Variants in ARNT observed in about 807,000 individuals in gnomAD.
ARNT encodes the protein aryl hydrocarbon receptor nuclear translocator.
In ARNT, 30 loss-of-function variants were observed where a neutral mutation model predicts 105.0. The ratio of observed to expected loss-of-function variants is 0.29; its 90% CI spans 0.21 to 0.39. The LOEUF is 0.39. ARNT is among the 10% of genes least tolerant of loss of function. The pLI is 1.00. For synonymous variants in ARNT, 304 were observed against 344.0 expected (o/e 0.88, Z 1.29); for missense variants, 748 against 978.7 (o/e 0.76, Z 3.15).
rs1314094273 is a variant in ARNT at position 150,836,421 on chromosome 1, C to A, written c.559G>T (p.Val187Leu). ...FIVSCETGRV[V>L]YVSDSVTPVL... ...GGAGTCACGGAGTCAGACACATACA[C>A]CACCCTGCCTGTCTCACATGAGACA... is the stretch of plus-strand genomic sequence containing the variant. Residue 187 changes from valine (V) to leucine (L), a missense_variant, in exon 7 of 22, where the codon GTG becomes TTG. Physicochemically the swap from Val to Leu is conservative, Grantham distance 32 (BLOSUM62 1). Transcript: ENST00000358595. The A allele has an allele frequency of 1.2e-6, 2 of 1,614,120 alleles. No homozygotes were observed. Among genetic ancestry groups the A allele is most frequent in the African/African-American group, 1.3e-5 (1 of 75,044 alleles).
chr1:150,811,463 C>CACACACACACACACACACACAT lies in ARNT; in HGVS notation c.*557_*558insATGTGTGTGTGTGTGTGTGTGT. On this transcript the variant is annotated 3_prime_UTR_variant, in exon 22 of 22. Coordinates refer to ENST00000358595, the MANE Select transcript of ARNT (RefSeq NM_001668.4). The stretch of plus-strand genomic sequence containing the variant: ...AAATACAGAAGCATGTGTGCGCACA[C>CACACACACACACACACACACAT]ACACACACACACACATACACACACA... 4.4e-6 allele frequency: 1 copy of CACACACACACACACACACACAT among 227,334 alleles called. No homozygotes were observed. The highest frequency in any genetic ancestry group is 8.7e-6 in the Non-Finnish European group (1 of 114,970). The allele number at this position is 227,334 out of a possible 1,614,324, so 14.1% of individuals were successfully genotyped here. A position where few individuals can be genotyped will look rare whatever the true frequency, so the allele number is the denominator to read the frequency against.
intron 14 of ARNT, among the ~76,000 whole-genome samples, chr1:150,820,956 T>C (rs907128000): frequency 5.3e-5 from 8 of 152,220 alleles, no homozygotes; most frequent in Non-Finnish European, 1.5e-5. Context: ...CCCAAAACGT[T>C]ACTACTAATA....
At chr1:150,830,746 G>A (rs968212296) in intron 10 of ARNT, among the ~76,000 whole-genome samples, 1 of 152,106 alleles carries the variant, frequency 6.6e-6, no homozygotes, top group Non-Finnish European at 1.5e-5. Context: ...AAAAACCAAT[G>A]TTTTACACAG....
At position 150,817,126 on chromosome 1, in the gene ARNT, T is replaced by C; in HGVS notation, c.1655A>G (p.Asp552Gly). The C allele has an allele frequency of 6.2e-7, 1 of 1,614,200 alleles. No individual in the cohort carries two copies. Residue 552 changes from aspartate to glycine, a missense_variant, in exon 17 of 22, where the codon GAT (aspartate) becomes GGT (glycine). Physicochemically the swap from Asp to Gly is moderately conservative, Grantham distance 94 (BLOSUM62 -1). This residue lies in a region of ARNT where 360 missense variants were observed against 411.9 expected (regional missense o/e 0.87). Coordinates refer to ENST00000358595, the MANE Select transcript of ARNT (RefSeq NM_001668.4). ...LEKSDGLFAQDRDPRFSEIYH... is the reference protein window; with the variant it reads ...LEKSDGLFAQGRDPRFSEIYH... The stretch of plus-strand genomic sequence containing the variant: ...GATTTCTGAAAATCTTGGATCTCTA[T>C]CCTGGGCAAATAAACCATCTGACTT...
Position 150,814,171 on chromosome 1 carries a change from T to C in ARNT, c.2019A>G (p.Pro673=), listed in dbSNP as rs1346164010. 6.2e-7 allele frequency: 1 copy of C among 1,614,088 alleles called. No homozygotes were observed. The highest frequency in any genetic ancestry group is 8.5e-7 in the Non-Finnish European group (1 of 1,180,004). ...SQFGVGSFQT[P]SSFSSMSLPG... is the part of the protein sequence containing the mutation. The stretch of plus-strand genomic sequence containing the variant: ...GGAGGGACATGGAGCTGAAGGAGGA[T>C]GGAGTCTGAAAGCTGCCCACACCAA... Residue 673 remains proline (P), a synonymous_variant, in exon 20 of 22, where the codon CCA becomes CCG. Coordinates refer to ENST00000358595, the MANE Select transcript of ARNT (RefSeq NM_001668.4).
At chr1:150,859,664 T>C (rs1027796095) in intron 1 of ARNT, among the ~76,000 whole-genome samples, 1 of 152,172 alleles carries the variant, frequency 6.6e-6, no homozygotes, top group South Asian at 2.1e-4. Flanking sequence ...GCCCTGAGTA[T>C]ATTTTCTCTT....
In ARNT at chr1:150,852,783, TCTC is replaced by T. The variant is rs1250212425; in HGVS notation, c.158_160del (p.Gly53del). 6.2e-7 allele frequency: 1 copy of T among 1,613,932 alleles called. No homozygotes were observed. The highest frequency in any genetic ancestry group is 2.2e-5 in the East Asian group (1 of 44,860). On this transcript the variant is annotated inframe_deletion, in exon 3 of 22. Transcript: ENST00000358595. ...TTACCTCAAAAATTTACTGTTCCCTTCTCCATCATCATCAAAATCCAGCCTGAG... is the reference window on the plus strand; with the variant it reads ...TTACCTCAAAAATTTACTGTTCCCTTCATCATCATCAAAATCCAGCCTGAG...
chr1:150,875,565 T>C (rs942443689), intron 1 of ARNT, among the ~76,000 whole-genome samples: 3 of 152,178 alleles, frequency 2.0e-5, no homozygotes, highest in Admixed American at 2.0e-4. Flanking sequence ...TGGAAAAGGA[T>C]AGACTTTATT....
At chr1:150,847,452 G>A (rs1278667531) in intron 3 of ARNT, among the ~76,000 whole-genome samples, 1 of 151,548 alleles carries the variant, frequency 6.6e-6, no homozygotes, top group Non-Finnish European at 1.5e-5. Flanking sequence ...AAAAAGAAGG[G>A]GGAAAGGGAA....
intron 13 of ARNT, among the ~76,000 whole-genome samples, chr1:150,825,096 A>T (rs1277362677): frequency 6.6e-6 from 1 of 152,030 alleles, no homozygotes; most frequent in Non-Finnish European, 1.5e-5. Context: ...CCTGGCTTCA[A>T]GTGATCACCT....
intron 10 of ARNT, 175 bp from the exon 11 acceptor site, chr1:150,830,155 G>T: frequency 1.7e-6 from 1 of 597,912 alleles, no homozygotes; most frequent in Non-Finnish European, 2.9e-6. Flanking sequence ...GGACCAGCCT[G>T]GCCGACACAG....
chr1:150,861,718 G>C (rs917511381), intron 1 of ARNT, among the ~76,000 whole-genome samples: 1 of 152,132 alleles, frequency 6.6e-6, no homozygotes, highest in African/African-American at 2.4e-5. Flanking sequence ...CGCCCAGCCA[G>C]GGTTTCGGTA....
chr1:150,822,040 A>C (rs587774420), intron 14 of ARNT, among the ~76,000 whole-genome samples: 1 of 152,012 alleles, frequency 6.6e-6, no homozygotes, highest in South Asian at 2.1e-4. Context: ...TATGGTAGTA[A>C]ATGATAAAAT....
At chr1:150,858,689 A>G (rs1665066018) in intron 1 of ARNT, among the ~76,000 whole-genome samples, 2 of 148,684 alleles carry the variant, frequency 1.3e-5, no homozygotes, top group South Asian at 2.1e-4. Context: ...AATCACTGGT[A>G]TAGGTCACTA....
chr1:150,834,782 A>T (rs760886910), intron 7 of ARNT, 142 bp from the exon 8 acceptor site: 9 of 597,984 alleles, frequency 1.5e-5, no homozygotes, highest in Non-Finnish European at 2.6e-5. Flanking sequence ...CAAGCAGGAG[A>T]TGAATTTTTT....
At chr1:150,831,281 G>C (rs1386223147) in intron 10 of ARNT, among the ~76,000 whole-genome samples, 1 of 152,176 alleles carries the variant, frequency 6.6e-6, no homozygotes, top group Non-Finnish European at 1.5e-5. Flanking sequence ...AAGTTGCTAA[G>C]ATTTGGAAAC....
intron 13 of ARNT, among the ~76,000 whole-genome samples, chr1:150,824,539 C>T (rs1485134801): frequency 2.0e-5 from 3 of 149,900 alleles, no homozygotes; most frequent in South Asian, 2.1e-4. Context: ...ACTGCAACCT[C>T]GCCTCCAGGG....
At chr1:150,859,276 C>T (rs1003529975) in intron 1 of ARNT, among the ~76,000 whole-genome samples, 3 of 151,534 alleles carry the variant, frequency 2.0e-5, no homozygotes, top group Non-Finnish European at 2.9e-5. Context: ...TCCTGCCCCC[C>T]GTACCTCTCC....
Position 150,832,046 on chromosome 1 carries a change from G to A in ARNT, c.870-143C>T, listed in dbSNP as rs755762181. ...TCATCTTTCCCACCCAAAAATGACC[G>A]CCACATTTTTACCCTTGCCAAAGTA... On this transcript the variant is annotated intron_variant, in intron 9 of 21. Transcript: ENST00000358595. 9.2e-5 allele frequency: 66 copies of A among 715,464 alleles called. 1 individual carries two copies. Among genetic ancestry groups the A allele is most frequent in the Non-Finnish European group, 1.3e-4 (58 of 434,370 alleles). 44.3% of individuals were successfully genotyped at this position (715,464 alleles called of 1,614,324 possible). A position where few individuals can be genotyped will look rare whatever the true frequency, so the allele number is the denominator to read the frequency against.
Sources: allele counts gnomAD v4.1 joint callset (sites outside exome capture counted in the v4.1 genomes callset), GRCh38; gene constraint gnomAD v4.1.1; regional missense constraint gnomAD v4.1.1; transcripts MANE v1.5; gene names NCBI Gene and HGNC (gene_info 2026-07-23, HGNC 2026-07-21).